MAML3: variants seen among roughly 807,000 people sequenced by gnomAD.
MAML3 encodes mastermind-like protein 3.
MAML3 carries 27 observed loss-of-function variants against 101.9 expected under a neutral mutation model. The observed-to-expected ratio is 0.27, with a 90% CI of 0.20 to 0.37. The LOEUF is 0.37. MAML3 is among the 10% of genes least tolerant of loss of function. MAML3 has a pLI of 1.00. For missense variants in MAML3, 1,316 were observed against 1,444.9 expected, an observed-to-expected ratio of 0.91 and a Z score of 1.45; for synonymous variants, 501 against 555.9, an observed-to-expected ratio of 0.90 and a Z score of 1.39.
intron 2 of MAML3, among the ~76,000 whole-genome samples, chr4:139,825,765 G>GAA (rs10572822): frequency 6.9e-6 from 1 of 145,444 alleles, no homozygotes; most frequent in Non-Finnish European, 1.5e-5. Context: ...AGAGAAGAAG[G>GAA]AAAAAAAAAA....
intron 2 of MAML3, among the ~76,000 whole-genome samples, chr4:139,796,695 T>A (rs1460943510): frequency 1.3e-5 from 2 of 152,144 alleles, no homozygotes; most frequent in African/African-American, 4.8e-5. Flanking sequence ...ATACCTAATA[T>A]GATATAATGA....
chr4:139,753,921 G>A (rs1181389684), intron 2 of MAML3, among the ~76,000 whole-genome samples: 1 of 152,150 alleles, frequency 6.6e-6, no homozygotes, highest in East Asian at 1.9e-4. Flanking sequence ...GACAGATAAG[G>A]GAATGATTAA....
chr4:140,025,744 C>T (rs938297527), intron 1 of MAML3, among the ~76,000 whole-genome samples: 3 of 152,182 alleles, frequency 2.0e-5, no homozygotes, highest in Non-Finnish European at 4.4e-5. Flanking sequence ...TTGCCACTTT[C>T]GACTTCATCT....
At chr4:139,941,542 TTGGTGGTGG>T (rs1211508247) in intron 1 of MAML3, among the ~76,000 whole-genome samples, 1 of 115,348 alleles carries the variant, frequency 8.7e-6, no homozygotes, top group Admixed American at 7.9e-5. Flanking sequence ...GTTGTTGTTG[TTGGTGGTGG>T]TGGTGGTGGT....
intron 2 of MAML3, among the ~76,000 whole-genome samples, chr4:139,736,430 C>A (rs575826352): frequency 5.9e-5 from 9 of 152,306 alleles, no homozygotes; most frequent in African/African-American, 2.2e-4. Context: ...GATGGCTAGA[C>A]AGAGGCGCCT....
At chr4:139,943,710 C>T (rs1733649191) in intron 1 of MAML3, among the ~76,000 whole-genome samples, 1 of 152,092 alleles carries the variant, frequency 6.6e-6, no homozygotes, top group African/African-American at 2.4e-5. Flanking sequence ...ATGGATTTAC[C>T]TGTTTGGAAT....
At chr4:139,984,840 T>C (rs1035348214) in intron 1 of MAML3, among the ~76,000 whole-genome samples, 2 of 152,226 alleles carry the variant, frequency 1.3e-5, no homozygotes, top group African/African-American at 4.8e-5. Context: ...TGGCTAGTGA[T>C]GTTAACCACA....
intron 2 of MAML3, among the ~76,000 whole-genome samples, chr4:139,788,129 T>G (rs1428224700): frequency 3.9e-5 from 6 of 152,216 alleles, no homozygotes; most frequent in African/African-American, 1.4e-4. Context: ...TTTATTTCTG[T>G]GCTGAGAATA....
At chr4:139,804,357 C>A (rs910912823) in intron 2 of MAML3, among the ~76,000 whole-genome samples, 14 of 151,838 alleles carry the variant, frequency 9.2e-5, no homozygotes, top group Admixed American at 6.6e-4. Flanking sequence ...ACCTCCGCCT[C>A]CCGGGTTCAA....
At chr4:139,991,888 TA>T (rs914860930) in intron 1 of MAML3, among the ~76,000 whole-genome samples, 44 of 150,706 alleles carry the variant, frequency 2.9e-4, no homozygotes, top group South Asian at 1.5e-3. Context: ...AGTATATAAT[TA>T]AAAAAAAAAT....
chr4:139,901,218 G>A (rs1450618853), intron 1 of MAML3, among the ~76,000 whole-genome samples: 4 of 152,194 alleles, frequency 2.6e-5, no homozygotes, highest in African/African-American at 4.8e-5. Context: ...TTTAGCATGT[G>A]TTTGAGAAGT....
At chr4:139,800,237 G>A (rs1380391190) in intron 2 of MAML3, among the ~76,000 whole-genome samples, 2 of 152,126 alleles carry the variant, frequency 1.3e-5, no homozygotes, top group African/African-American at 4.8e-5. Flanking sequence ...CAGTGATTTA[G>A]GAGTGGTTAG....
chr4:139,864,923 CTT>C (rs56361332), intron 2 of MAML3, among the ~76,000 whole-genome samples: 1,312 of 62,384 alleles, frequency 0.021, 119 homozygotes, highest in Middle Eastern at 0.098. Context: ...TGCAAACTTG[CTT>C]TTTTTTTTTT....
intron 1 of MAML3, among the ~76,000 whole-genome samples, chr4:139,979,912 T>C (rs1330675725): frequency 6.6e-6 from 1 of 152,164 alleles, no homozygotes; most frequent in Admixed American, 6.5e-5. Flanking sequence ...AGTGGTTCTC[T>C]GGAACAACTG....
chr4:140,054,095 C>T (rs951467843), intron 1 of MAML3, among the ~76,000 whole-genome samples: 2 of 152,110 alleles, frequency 1.3e-5, no homozygotes, highest in South Asian at 2.1e-4. Flanking sequence ...CATGGGCAGG[C>T]GCAGTGGCTC....
intron 1 of MAML3, among the ~76,000 whole-genome samples, chr4:139,964,356 C>T (rs1214271407): frequency 2.0e-5 from 3 of 152,116 alleles, no homozygotes; most frequent in African/African-American, 4.8e-5. Flanking sequence ...CCAAACACCA[C>T]ATGGTTCTCA....
At chr4:140,108,325 A>G (rs1728386156) in intron 1 of MAML3, among the ~76,000 whole-genome samples, 1 of 151,862 alleles carries the variant, frequency 6.6e-6, no homozygotes. Context: ...GCTCCCCAGT[A>G]CATGTCTATT....
intron 2 of MAML3, among the ~76,000 whole-genome samples, chr4:139,748,740 C>T (rs1025432361): frequency 7.5e-5 from 10 of 134,164 alleles, no homozygotes; most frequent in Admixed American, 6.4e-4. Flanking sequence ...ATGCAACTAG[C>T]TTTGGAAAGT....
chr4:139,889,652 T>C lies in MAML3; in HGVS notation c.1784A>G (p.Asn595Ser), dbSNP rs1293334719. The C allele has an allele frequency of 2.5e-6, 4 of 1,614,014 alleles. No individual in the cohort carries two copies. The South Asian group carries it at 4.4e-5, about 18-fold the overall frequency. Reference protein sequence around the residue: ...LGTNSLNKQHNILTYGNTKPL... With the variant: ...LGTNSLNKQHSILTYGNTKPL... Reference sequence around the variant, plus strand: ...TTTAGTGTTGCCATAAGTCAGAATATTGTGCTGTTTGTTTAAGGAGTTTGT... The same window carrying C: ...TTTAGTGTTGCCATAAGTCAGAATACTGTGCTGTTTGTTTAAGGAGTTTGT... The change falls in exon 2 of 5, where the codon AAT becomes AGT. Residue 595 changes from asparagine to serine, a missense_variant. Physicochemically the swap from Asn to Ser is conservative, Grantham distance 46 (BLOSUM62 1). Coordinates refer to ENST00000509479, the MANE Select transcript of MAML3 (RefSeq NM_018717.5).
Sources: gnomAD v4.1 joint callset for allele counts (sites outside exome capture counted in the v4.1 genomes callset) on GRCh38, gnomAD v4.1.1 for gene constraint, MANE v1.5 for transcripts, NCBI Gene and HGNC (gene_info 2026-07-23, HGNC 2026-07-21) for gene names.